ERC2: variants seen among roughly 807,000 people sequenced by gnomAD.
The protein encoded by ERC2 is ELKS/RAB6-interacting/CAST family member 2.
In ERC2, 42 loss-of-function variants were observed where a neutral mutation model predicts 114.8. The observed-to-expected ratio is 0.37, with a 90% confidence interval of 0.29 to 0.47. The LOEUF (loss-of-function observed/expected upper bound fraction) is 0.47, where lower values mean the gene tolerates loss of function less well. Among genes scored for constraint, ERC2 ranks in the 20% least tolerant of loss-of-function variants. The pLI is 0.99. For synonymous variants in ERC2, 454 were observed against 425.5 expected (o/e 1.07, Z -0.82); for missense variants, 939 against 1,150.7 (o/e 0.82, Z 2.66).
chr3:55,819,198 T>C (rs1384948582), intron 14 of ERC2, among the ~76,000 whole-genome samples: 3 of 152,208 alleles, frequency 2.0e-5, no homozygotes, highest in Admixed American at 6.5e-5. Flanking sequence ...TTGTTCTCGA[T>C]TAAAAACTCG....
intron 3 of ERC2, among the ~76,000 whole-genome samples, chr3:56,240,961 T>C (rs1215833815): frequency 6.6e-6 from 1 of 152,182 alleles, no homozygotes; most frequent in African/African-American, 2.4e-5. Context: ...AATTTTTCAG[T>C]CCTCACTCTC....
At chr3:56,280,325 T>C (rs529270545) in intron 3 of ERC2, among the ~76,000 whole-genome samples, 1 of 152,316 alleles carries the variant, frequency 6.6e-6, no homozygotes, top group Non-Finnish European at 1.5e-5. Flanking sequence ...TCCCCAGGAC[T>C]GTACAAGAAT....
chr3:55,684,394 G>A (rs1192166941), intron 16 of ERC2, among the ~76,000 whole-genome samples: 1 of 152,016 alleles, frequency 6.6e-6, no homozygotes, highest in Non-Finnish European at 1.5e-5. Context: ...ATTCATATTG[G>A]TTATTCCACA....
chr3:55,739,587 G>A (rs919189552), intron 14 of ERC2, among the ~76,000 whole-genome samples: 8 of 45,990 alleles, frequency 1.7e-4, no homozygotes, highest in Non-Finnish European at 8.0e-5. Context: ...CATATCCTTT[G>A]CCCACTTTTT....
At chr3:56,088,357 T>G (rs998176328) in intron 6 of ERC2, among the ~76,000 whole-genome samples, 9 of 152,186 alleles carry the variant, frequency 5.9e-5, no homozygotes, top group African/African-American at 1.9e-4. Flanking sequence ...GTTTTTTTTG[T>G]CTTAGAGATT....
intron 6 of ERC2, among the ~76,000 whole-genome samples, chr3:56,091,105 T>C (rs1385287892): frequency 1.3e-5 from 2 of 152,028 alleles, no homozygotes; most frequent in Non-Finnish European, 2.9e-5. Flanking sequence ...GGGTGTTCTA[T>C]GGAAAACAGG....
At chr3:56,416,694 C>T (rs9879720) in intron 2 of ERC2, among the ~76,000 whole-genome samples, 6,467 of 149,486 alleles carry the variant, frequency 0.043, 356 homozygotes, top group African/African-American at 0.12. Flanking sequence ...CCTGATCTCT[C>T]TCTCTAAACT....
intron 13 of ERC2, among the ~76,000 whole-genome samples, chr3:55,939,010 T>C (rs1477490644): frequency 3.3e-5 from 5 of 152,210 alleles, no homozygotes; most frequent in African/African-American, 1.2e-4. Flanking sequence ...TAATTAGAAA[T>C]CAATGTGGAT....
chr3:55,689,440 GT>G (rs1336817229), intron 16 of ERC2, among the ~76,000 whole-genome samples: 3 of 152,120 alleles, frequency 2.0e-5, no homozygotes, highest in Admixed American at 2.0e-4. Context: ...CAACAATATT[GT>G]TTGGGAGCTT....
At chr3:55,639,217 C>T (rs567437603) in intron 17 of ERC2, among the ~76,000 whole-genome samples, 1 of 152,250 alleles carries the variant, frequency 6.6e-6, no homozygotes, top group Admixed American at 6.5e-5. Context: ...AATGTGTCAC[C>T]ACTTCTAGGG....
intron 6 of ERC2, among the ~76,000 whole-genome samples, chr3:56,086,388 C>T (rs2077503706): frequency 6.6e-6 from 1 of 152,032 alleles, no homozygotes. Context: ...ATTTTCCATG[C>T]ACTGGAAAGT....
intron 7 of ERC2, among the ~76,000 whole-genome samples, chr3:56,041,939 T>C (rs927013631): frequency 6.6e-6 from 1 of 152,104 alleles, no homozygotes; most frequent in Non-Finnish European, 1.5e-5. Flanking sequence ...AAACAGATTA[T>C]TTTTCACTTA....
chr3:55,929,167 C>A (rs1201758528), intron 13 of ERC2, among the ~76,000 whole-genome samples: 1 of 152,136 alleles, frequency 6.6e-6, no homozygotes, highest in Non-Finnish European at 1.5e-5. Context: ...GGGTCCCCTC[C>A]CCTAAGCCAC....
intron 2 of ERC2, among the ~76,000 whole-genome samples, chr3:56,384,061 C>T (rs2106757987): frequency 6.6e-6 from 1 of 152,216 alleles, no homozygotes; most frequent in South Asian, 2.1e-4. Context: ...TATATATAAA[C>T]ACACAATAGA....
intron 14 of ERC2, among the ~76,000 whole-genome samples, chr3:55,882,722 G>C (rs1393302494): frequency 6.6e-6 from 1 of 152,150 alleles, no homozygotes; most frequent in African/African-American, 2.4e-5. Flanking sequence ...TTATATCAGG[G>C]ACTTCAGCAT....
intron 6 of ERC2, among the ~76,000 whole-genome samples, chr3:56,118,278 T>C (rs576416421): frequency 3.3e-5 from 5 of 152,310 alleles, no homozygotes; most frequent in Admixed American, 6.5e-5. Flanking sequence ...GTCTATAAAA[T>C]GGGATACTTC....
intron 7 of ERC2, among the ~76,000 whole-genome samples, chr3:56,021,909 T>A (rs147340035): frequency 2.0e-5 from 3 of 152,342 alleles, no homozygotes; most frequent in African/African-American, 7.2e-5. Context: ...ATCTCATTCT[T>A]TTTTATGGCT....
intron 4 of ERC2, among the ~76,000 whole-genome samples, chr3:56,152,079 G>C (rs2081441915): frequency 6.6e-6 from 1 of 152,062 alleles, no homozygotes; most frequent in African/African-American, 2.4e-5. Context: ...TAGAGACGGG[G>C]AAAGTGAAAT....
chr3:55,829,818 C>A (rs967336778), intron 14 of ERC2, among the ~76,000 whole-genome samples: 1 of 152,082 alleles, frequency 6.6e-6, no homozygotes, highest in Non-Finnish European at 1.5e-5. Flanking sequence ...ATACACCACA[C>A]CTGCCCCAAA....
Sources: allele counts gnomAD v4.1 joint callset (sites outside exome capture counted in the v4.1 genomes callset), GRCh38; gene constraint gnomAD v4.1.1; transcripts MANE v1.5; gene names NCBI Gene and HGNC (gene_info 2026-07-23, HGNC 2026-07-21).